The following CSMD1 variants were observed in gnomAD, a reference collection of about 807,000 sequenced individuals.
CSMD1 encodes the protein CUB and Sushi multiple domains 1, also known as CUB and sushi domain-containing protein 1.
CSMD1 carries 213 observed loss-of-function variants against 417.5 expected under a neutral mutation model. That is an observed-to-expected ratio of 0.51 (90% confidence interval 0.46 to 0.57). The LOEUF (loss-of-function observed/expected upper bound fraction) is 0.57. Ranked by LOEUF, CSMD1 falls within the 20% of genes least tolerant of loss-of-function variation. CSMD1 has a pLI of 0.00. For missense variants in CSMD1, 6,923 were observed against 4,529.7 expected, an observed-to-expected ratio of 1.53 and a Z score of -15.17; for synonymous variants, 2,862 against 1,736.8, an observed-to-expected ratio of 1.65 and a Z score of -16.11.
chr8:3,452,105 T>A (rs189934158), intron 12 of CSMD1, among the ~76,000 whole-genome samples: 4,453 of 152,320 alleles, frequency 0.029, 116 homozygotes, highest in East Asian at 0.11. Flanking sequence ...ACTCATGATT[T>A]GGCTCTCTGT....
chr8:4,835,002 AAAGAAAG>A (rs1170285115), intron 1 of CSMD1, among the ~76,000 whole-genome samples: 2 of 83,144 alleles, frequency 2.4e-5, no homozygotes, highest in African/African-American at 7.8e-5. Flanking sequence ...AGAAAGAAAG[AAAGAAAG>A]AAAAAAAAAT....
intron 7 of CSMD1, among the ~76,000 whole-genome samples, chr8:3,666,995 GATAACT>G (rs1156549033): frequency 6.6e-6 from 1 of 152,162 alleles, no homozygotes; most frequent in Admixed American, 6.6e-5. Context: ...TTAGCAGAAA[GATAACT>G]ATGGCACAAC....
rs750995936 is a variant in CSMD1 at position 4,107,303 on chromosome 8, G to C, written c.416-75204C>G. On this transcript the variant is annotated intron_variant, in intron 3 of 69. Coordinates refer to ENST00000635120, the MANE Select transcript of CSMD1 (RefSeq NM_033225.6). ...TCAACACGCTGCACTGCCTCATTTAGAACTTCCTGAAATAGAGAGGATTTC... is the reference window on the plus strand; with the variant it reads ...TCAACACGCTGCACTGCCTCATTTACAACTTCCTGAAATAGAGAGGATTTC... 2.6e-5 allele frequency among the ~76,000 whole-genome samples: 4 copies of C among 152,168 alleles called. No homozygotes were observed. The South Asian group carries it at 6.2e-4, about 24-fold the overall frequency.
chr8:4,079,100 T>G (rs1178012117), intron 3 of CSMD1, among the ~76,000 whole-genome samples: 1 of 151,620 alleles, frequency 6.6e-6, no homozygotes, highest in Non-Finnish European at 1.5e-5. Context: ...TCGGTTCAAA[T>G]AGGGTGGTGT....
At position 4,206,549 on chromosome 8, in the gene CSMD1, T is replaced by C. The variant is rs888768738; in HGVS notation, c.416-174450A>G. On this transcript the variant is annotated intron_variant, in intron 3 of 69. Transcript: ENST00000635120. ...TTTATGGCTGCCTAGTATTCCATGGTGTATATGTGCCACATTTTCTTAATC... is the reference window on the plus strand; with the variant it reads ...TTTATGGCTGCCTAGTATTCCATGGCGTATATGTGCCACATTTTCTTAATC... Among the ~76,000 whole-genome samples, 30 of 152,164 alleles carry C rather than the reference T, an allele frequency of 2.0e-4. 1 individual carries two copies. The highest frequency in any genetic ancestry group is 2.0e-3 in the Admixed American group (30 of 15,280).
At chr8:3,136,942 A>G (rs1487388944) in intron 41 of CSMD1, among the ~76,000 whole-genome samples, 1 of 152,194 alleles carries the variant, frequency 6.6e-6, no homozygotes. Flanking sequence ...ATTTAAAAAC[A>G]TATTTTTTTT....
At chr8:3,429,243 C>T (rs995802003) in intron 12 of CSMD1, among the ~76,000 whole-genome samples, 2 of 152,254 alleles carry the variant, frequency 1.3e-5, no homozygotes, top group African/African-American at 4.8e-5. Flanking sequence ...ATGCTACGAA[C>T]CTTGATTTGA....
In CSMD1 at chr8:4,429,709, T is replaced by G. The variant is rs144546882; in HGVS notation, c.303-9644A>C. Among the ~76,000 whole-genome samples, 1,084 of 152,120 alleles carry G rather than the reference T, an allele frequency of 7.1e-3. 12 individuals carry two copies. The highest frequency in any genetic ancestry group is 0.024 in the African/African-American group (1,006 of 41,492). On this transcript the variant is annotated intron_variant, in intron 2 of 69. Coordinates refer to ENST00000635120, the MANE Select transcript of CSMD1 (RefSeq NM_033225.6). Reference sequence around the variant, plus strand: ...ATACCCCAAAAGAACAGGAGCTCCATGAGGGCAGAAGTGGGTCTCCTGTAA... The same window carrying G: ...ATACCCCAAAAGAACAGGAGCTCCAGGAGGGCAGAAGTGGGTCTCCTGTAA...
chr8:3,626,885 TTAA>T (rs1294489368), intron 7 of CSMD1, among the ~76,000 whole-genome samples: 2 of 149,774 alleles, frequency 1.3e-5, no homozygotes, highest in African/African-American at 4.9e-5. Context: ...AATATAAGTA[TTAA>T]TAAATTAATA....
chr8:4,029,907 G>C (rs1430956945), intron 4 of CSMD1, among the ~76,000 whole-genome samples: 2 of 152,068 alleles, frequency 1.3e-5, no homozygotes, highest in Admixed American at 6.5e-5. Flanking sequence ...TCAAAACAAA[G>C]GGTCTACTGG....
chr8:4,705,206 T>G (rs1429452829), intron 1 of CSMD1, among the ~76,000 whole-genome samples: 1 of 152,174 alleles, frequency 6.6e-6, no homozygotes, highest in Non-Finnish European at 1.5e-5. Flanking sequence ...CATGAAGAAC[T>G]GTGAGTCAAT....
At chr8:4,547,992 C>G (rs1797705118) in intron 2 of CSMD1, among the ~76,000 whole-genome samples, 1 of 152,096 alleles carries the variant, frequency 6.6e-6, no homozygotes, top group African/African-American at 2.4e-5. Flanking sequence ...GTAGGCCAGG[C>G]ACTCCCAAGC....
chr8:4,662,811 A>C (rs941104531), intron 1 of CSMD1, among the ~76,000 whole-genome samples: 6 of 152,194 alleles, frequency 3.9e-5, no homozygotes, highest in African/African-American at 1.4e-4. Context: ...GTGACAAACG[A>C]GTGCCCACAT....
At chr8:4,400,965 T>C (rs1002556223) in intron 3 of CSMD1, among the ~76,000 whole-genome samples, 7 of 152,134 alleles carry the variant, frequency 4.6e-5, no homozygotes, top group African/African-American at 1.7e-4. Flanking sequence ...TTATGTCTTA[T>C]ATTCCCTAAG....
chr8:2,997,916 T>C (rs771099049), intron 54 of CSMD1, 95 bp downstream of exon 54: 32 of 1,224,152 alleles, frequency 2.6e-5, no homozygotes, highest in Non-Finnish European at 3.3e-5. Context: ...CTTTATGCAT[T>C]ACCCTTGATT....
chr8:4,608,390 G>C (rs76793788), intron 2 of CSMD1, among the ~76,000 whole-genome samples: 3,178 of 152,262 alleles, frequency 0.021, 94 homozygotes, highest in African/African-American at 0.068. Flanking sequence ...CAGAGGGCTC[G>C]ACAAAAGGAT....
At chr8:4,746,663 A>C (rs1810973879) in intron 1 of CSMD1, among the ~76,000 whole-genome samples, 1 of 152,172 alleles carries the variant, frequency 6.6e-6, no homozygotes, top group East Asian at 1.9e-4. Context: ...CAAACTATGC[A>C]GTTCATTTAT....
At position 3,895,076 on chromosome 8, in the gene CSMD1, A is replaced by G. The variant is rs140992985; in HGVS notation, c.818+102827T>C. Reference sequence around the variant, plus strand: ...AGGTGGAGTACAGCCAGTGGTCATTATAATTAAACATTCAAGGACTTCTTA... The same window carrying G: ...AGGTGGAGTACAGCCAGTGGTCATTGTAATTAAACATTCAAGGACTTCTTA... On this transcript the variant is annotated intron_variant, in intron 5 of 69. Transcript: ENST00000635120. 6.6e-5 allele frequency among the ~76,000 whole-genome samples: 10 copies of G among 152,338 alleles called. No individual in the cohort carries two copies. In the East Asian group the frequency reaches 1.9e-3, roughly 29 times the overall value.
At chr8:3,817,080 G>A (rs973734028) in intron 5 of CSMD1, among the ~76,000 whole-genome samples, 1 of 151,902 alleles carries the variant, frequency 6.6e-6, no homozygotes, top group Non-Finnish European at 1.5e-5. Context: ...AATCTGTTGA[G>A]ATGAGGTCTC....
Sources: allele counts gnomAD v4.1 joint callset (sites outside exome capture counted in the v4.1 genomes callset), GRCh38; gene constraint gnomAD v4.1.1; transcripts MANE v1.5; gene names NCBI Gene and HGNC (gene_info 2026-07-23, HGNC 2026-07-21).